ANKRD18A: variants seen among roughly 807,000 people sequenced by gnomAD.
The protein encoded by ANKRD18A is ankyrin repeat domain-containing protein 18A.
ANKRD18A carries 72 observed loss-of-function variants against 110.6 expected under a neutral mutation model. The ratio of observed to expected loss-of-function variants is 0.65; its 90% confidence interval spans 0.54 to 0.79. ANKRD18A has a LOEUF of 0.79. ANKRD18A is among the 30% of genes least tolerant of loss of function. ANKRD18A has a pLI of 0.00. For synonymous variants in ANKRD18A, 305 were observed against 410.3 expected (o/e 0.74, Z 3.10); for missense variants, 934 against 1,163.3 (o/e 0.80, Z 2.87).
rs760078412 is a variant in ANKRD18A, at chr9:38,603,227, A to T, written c.809-15T>A. The T allele has an allele frequency of 6.4e-7, 1 of 1,550,900 alleles. No individual in the cohort carries two copies. The highest frequency in any genetic ancestry group is 1.2e-5 in the South Asian group (1 of 84,008). On this transcript the variant is annotated splice_polypyrimidine_tract_variant and intron_variant, in intron 6 of 15. Coordinates refer to ENST00000399703, the MANE Select transcript of ANKRD18A (RefSeq NM_147195.4). Reference sequence around the variant, plus strand: ...AGCTGCTGTTTCTGTCAAACATGCAAACTTGTTAGATATTCCTTCTGGAAA... The same window carrying T: ...AGCTGCTGTTTCTGTCAAACATGCATACTTGTTAGATATTCCTTCTGGAAA...
At chr9:38,599,772 A>C (rs909321171) in intron 8 of ANKRD18A, among the ~76,000 whole-genome samples, 44 of 152,112 alleles carry the variant, frequency 2.9e-4, no homozygotes, top group Non-Finnish European at 2.6e-4. Context: ...AATTGTAATG[A>C]ATTTTAAAGG....
intron 10 of ANKRD18A, among the ~76,000 whole-genome samples, chr9:38,590,732 C>T (rs1824608848): frequency 6.6e-6 from 1 of 152,060 alleles, no homozygotes; most frequent in Admixed American, 6.6e-5. Flanking sequence ...TAGAGATCTC[C>T]CTTCTTCCTG....
rs552276975 is a variant in ANKRD18A, at chr9:38,609,314, C to T, written c.740+959G>A. On this transcript the variant is annotated intron_variant, in intron 5 of 15. Coordinates refer to ENST00000399703, the MANE Select transcript of ANKRD18A (RefSeq NM_147195.4). ...CTAACATGGTGAAACCCCGTCACCACTAAAAATACAAAAAAAATTAGCCAG... is the reference window on the plus strand; with the variant it reads ...CTAACATGGTGAAACCCCGTCACCATTAAAAATACAAAAAAAATTAGCCAG... 3.9e-4 allele frequency among the ~76,000 whole-genome samples: 59 copies of T among 152,146 alleles called. 1 individual carries two copies. Among genetic ancestry groups the T allele is most frequent in the Middle Eastern group, 3.4e-3 (1 of 294 alleles).
chr9:38,620,141 C>G lies in ANKRD18A; in HGVS notation c.145G>C (p.Glu49Gln), dbSNP rs1400846684. Residue 49 changes from glutamate (E) to glutamine (Q), a missense_variant, in exon 1 of 16, where the codon GAG becomes CAG. Coordinates refer to ENST00000399703, the MANE Select transcript of ANKRD18A (RefSeq NM_147195.4). Reference protein sequence around the residue: ...HRAAIKGDAAEVERCLTRRFR... With the variant: ...HRAAIKGDAAQVERCLTRRFR... ...CTGCGCGTCAGGCAGCGCTCCACCT[C>G]CGCGGCGTCGCCCTTGATGGCAGCC... is the stretch of plus-strand genomic sequence containing the variant. The G allele has an allele frequency of 6.4e-7, 1 of 1,570,022 alleles. No homozygotes were observed.
At chr9:38,586,080 G>A (rs1276797955) in intron 12 of ANKRD18A, 103 bp downstream of exon 12, 13 of 1,226,210 alleles carry the variant, frequency 1.1e-5, no homozygotes, top group East Asian at 2.6e-5. Context: ...GCATTGATAC[G>A]TGCAGCAAAC....
At position 38,591,847 on chromosome 9, in the gene ANKRD18A, G is replaced by A. The variant is rs551210543; in HGVS notation, c.2004+1913C>T. Among the ~76,000 whole-genome samples the A allele has an allele frequency of 5.6e-4, 85 of 152,168 alleles. No homozygotes were observed. In the South Asian group the frequency reaches 7.3e-3, roughly 13 times the overall value. On this transcript the variant is annotated intron_variant, in intron 10 of 15. Coordinates refer to ENST00000399703, the MANE Select transcript of ANKRD18A (RefSeq NM_147195.4). ...GACCAGCAGAGACAGGCTGAGCCACGGAGCTGAAAACCCTGGACTCTATTG... is the reference window on the plus strand; with the variant it reads ...GACCAGCAGAGACAGGCTGAGCCACAGAGCTGAAAACCCTGGACTCTATTG...
At chr9:38,604,114 A>G (rs1825249936) in intron 6 of ANKRD18A, 1 of 151,866 alleles carries the variant, frequency 6.6e-6, no homozygotes, top group South Asian at 2.1e-4. Context: ...TCTGGCCAAC[A>G]TGGTGAAACC....
downstream of ANKRD18A, among the ~76,000 whole-genome samples, chr9:38,570,733 G>A (rs1165618981): frequency 6.6e-6 from 1 of 152,214 alleles, no homozygotes; most frequent in Non-Finnish European, 1.5e-5. Context: ...GTGCCCAGGG[G>A]TCAGGCCTGG....
intron 9 of ANKRD18A, among the ~76,000 whole-genome samples, chr9:38,594,936 C>G (rs1410883750): frequency 6.6e-5 from 10 of 152,198 alleles, no homozygotes. Flanking sequence ...AGACTACACA[C>G]CTTATCAGCA....
intron 8 of ANKRD18A, among the ~76,000 whole-genome samples, chr9:38,599,611 T>C (rs1468456940): frequency 6.6e-6 from 1 of 151,990 alleles, no homozygotes; most frequent in Non-Finnish European, 1.5e-5. Context: ...ATTACAGGCA[T>C]GCACCACCAC....
chr9:38,620,046 C>T, intron 1 of ANKRD18A, 34 bp downstream of exon 1: 1 of 1,547,250 alleles, frequency 6.5e-7, no homozygotes. Flanking sequence ...GGGCCTGCGG[C>T]CCCCTCCCAC....
At chr9:38,568,607 C>T (rs1425857821), downstream of ANKRD18A, among the ~76,000 whole-genome samples, 2 of 151,686 alleles carry the variant, frequency 1.3e-5, no homozygotes, top group African/African-American at 4.8e-5. Context: ...GGCCGGTCCA[C>T]TTGCTCCAGG....
intron 15 of ANKRD18A, chr9:38,572,690 A>C (rs1823704716): frequency 6.5e-6 from 1 of 154,780 alleles, no homozygotes; most frequent in East Asian, 1.9e-4. Flanking sequence ...AGTTACATTG[A>C]TGTGAGTGTT....
At chr9:38,617,475 G>A (rs955069973) in intron 1 of ANKRD18A, among the ~76,000 whole-genome samples, 6 of 152,138 alleles carry the variant, frequency 3.9e-5, no homozygotes, top group African/African-American at 1.4e-4. Flanking sequence ...AAAAAGAAAC[G>A]TGAAGCTAAA....
At chr9:38,605,556 T>A (rs1295519991) in intron 6 of ANKRD18A, among the ~76,000 whole-genome samples, 1 of 152,232 alleles carries the variant, frequency 6.6e-6, no homozygotes, top group Non-Finnish European at 1.5e-5. Flanking sequence ...TTATAATTTT[T>A]GGAGCCTAGA....
intron 11 of ANKRD18A, among the ~76,000 whole-genome samples, chr9:38,586,609 G>A (rs1285754242): frequency 6.6e-6 from 1 of 151,740 alleles, no homozygotes; most frequent in Non-Finnish European, 1.5e-5. Flanking sequence ...TTGTTGCTCA[G>A]GCTGAAGTGT....
chr9:38,574,173 C>T (rs1188528653), intron 15 of ANKRD18A, among the ~76,000 whole-genome samples: 13 of 152,118 alleles, frequency 8.5e-5, no homozygotes, highest in South Asian at 2.1e-4. Flanking sequence ...TCTGTTTCTG[C>T]GTTAGTTTCC....
At chr9:38,600,500 C>T (rs546859718) in intron 8 of ANKRD18A, among the ~76,000 whole-genome samples, 1 of 152,170 alleles carries the variant, frequency 6.6e-6, no homozygotes, top group Admixed American at 6.5e-5. Context: ...CCACTAGTGA[C>T]AGCGCTTTAC....
chr9:38,593,350 C>T (rs143450991), intron 10 of ANKRD18A, among the ~76,000 whole-genome samples: 9,917 of 152,196 alleles, frequency 0.065, 335 homozygotes, highest in Non-Finnish European at 0.073. Context: ...GAAATGAATA[C>T]GCACAGCTGC....
Sources: allele counts gnomAD v4.1 joint callset (sites outside exome capture counted in the v4.1 genomes callset), GRCh38; gene constraint gnomAD v4.1.1; transcripts MANE v1.5; gene names NCBI Gene and HGNC (gene_info 2026-07-23, HGNC 2026-07-21).